Variants in STAB2 observed in about 807,000 individuals in gnomAD.
The protein encoded by STAB2 is stabilin-2.
In STAB2, 288 loss-of-function variants were observed where a neutral mutation model predicts 338.1. That is an observed-to-expected ratio of 0.85 (90% confidence interval 0.77 to 0.94). The LOEUF (loss-of-function observed/expected upper bound fraction) is 0.94, where lower values mean the gene tolerates loss of function less well. Ranked by LOEUF, STAB2 falls within the 40% of genes least tolerant of loss-of-function variation. The pLI, the probability that STAB2 is intolerant of heterozygous loss-of-function variation, is 0.00. For synonymous variants in STAB2, 1,202 were observed against 1,193.3 expected (o/e 1.01, Z -0.15); for missense variants, 3,141 against 3,210.1 (o/e 0.98, Z 0.52).
chr12:103,703,132 A>G lies in STAB2; in HGVS notation c.3715-16A>G. On this transcript the variant is annotated splice_polypyrimidine_tract_variant and intron_variant, in intron 34 of 68. Coordinates refer to ENST00000388887, the MANE Select transcript of STAB2 (RefSeq NM_017564.10). The stretch of plus-strand genomic sequence containing the variant: ...TAAATGTCATAAAAAGTGACATTTA[A>G]CCCTGTTGTTCACAGCTCTATGTAA... The G allele has an allele frequency of 2.5e-6, 4 of 1,608,424 alleles. No individual in the cohort carries two copies. The highest frequency in any genetic ancestry group is 3.4e-6 in the Non-Finnish European group (4 of 1,178,638).
intron 47 of STAB2, among the ~76,000 whole-genome samples, chr12:103,727,690 G>A (rs1881321755): frequency 6.6e-6 from 1 of 152,218 alleles, no homozygotes; most frequent in South Asian, 2.1e-4. Flanking sequence ...GATTTAAATA[G>A]ATTCTTTTCT....
chr12:103,650,512 G>A lies in STAB2; in HGVS notation c.1191G>A (p.Trp397Ter). The part of the protein sequence containing the change: ...FISLLDKAYA[W>*]PLSKLGPFTV... ...ACTCCTAAGACAAAGCTTATGCCTGGCCACTGAGTAAGCTGGGACCCTTCA... is the reference window on the plus strand; with the variant it reads ...ACTCCTAAGACAAAGCTTATGCCTGACCACTGAGTAAGCTGGGACCCTTCA... The change falls in exon 11 of 69, where the codon TGG becomes TGA. Residue 397 changes from tryptophan to a stop codon, truncating the protein, a stop_gained. Transcript: ENST00000388887. LOFTEE classifies it high-confidence loss of function. 6.2e-7 allele frequency: 1 copy of A among 1,613,112 alleles called. No individual in the cohort carries two copies. The highest frequency in any genetic ancestry group is 8.5e-7 in the Non-Finnish European group (1 of 1,179,230).
Position 103,728,911 on chromosome 12 carries a change from C to T in STAB2, c.4998C>T (p.Cys1666=). The T allele has an allele frequency of 6.2e-7, 1 of 1,614,000 alleles. No individual in the cohort carries two copies. Among genetic ancestry groups the T allele is most frequent in the East Asian group, 2.2e-5 (1 of 44,890 alleles). The change falls in exon 48 of 69, where the codon TGC becomes TGT. Residue 1666 remains cysteine (C), a synonymous_variant. Coordinates refer to ENST00000388887, the MANE Select transcript of STAB2 (RefSeq NM_017564.10). ...PQVLRYHVVA[C]HQLLLENLKL... Reference sequence around the variant, plus strand: ...TTCTTCGGTACCATGTGGTCGCCTGCCACCAGCTGCTTCTGGAAAACCTGA... The same window carrying T: ...TTCTTCGGTACCATGTGGTCGCCTGTCACCAGCTGCTTCTGGAAAACCTGA...
At chr12:103,742,070 G>C (rs1882625607) in intron 55 of STAB2, among the ~76,000 whole-genome samples, 1 of 149,338 alleles carries the variant, frequency 6.7e-6, no homozygotes, top group African/African-American at 2.6e-5. Context: ...AGGTCAAGCA[G>C]ACACTGTATC....
intron 6 of STAB2, among the ~76,000 whole-genome samples, chr12:103,636,244 G>A (rs1407883942): frequency 7.3e-6 from 1 of 136,296 alleles, no homozygotes; most frequent in Non-Finnish European, 1.5e-5. Flanking sequence ...TCCCCTTCCT[G>A]TGTCCATGCG....
intron 9 of STAB2, among the ~76,000 whole-genome samples, chr12:103,642,536 A>G (rs931142534): frequency 1.3e-5 from 2 of 152,228 alleles, no homozygotes; most frequent in Non-Finnish European, 2.9e-5. Context: ...CCAAGGCAAC[A>G]TGGTACAGTG....
At chr12:103,588,640 C>G (rs1447501598) in intron 1 of STAB2, among the ~76,000 whole-genome samples, 1 of 152,078 alleles carries the variant, frequency 6.6e-6, no homozygotes, top group Non-Finnish European at 1.5e-5. Flanking sequence ...AGACAATGAG[C>G]CTTTTCATTT....
chr12:103,705,734 A>G lies in STAB2; in HGVS notation c.3996+7A>G, dbSNP rs1167126488. ...ATGTGTGAGAACCGTCATTGTGAGTACAATAATTGAATCATACTAACTACT... is the reference window on the plus strand; with the variant it reads ...ATGTGTGAGAACCGTCATTGTGAGTGCAATAATTGAATCATACTAACTACT... On this transcript the variant is annotated splice_region_variant and intron_variant, in intron 37 of 68. Transcript: ENST00000388887. 1.9e-6 allele frequency: 3 copies of G among 1,613,508 alleles called. No homozygotes were observed. The highest frequency in any genetic ancestry group is 2.5e-6 in the Non-Finnish European group (3 of 1,179,506).
chr12:103,648,877 C>CATTGT (rs2138722031), intron 10 of STAB2, 54 bp downstream of exon 10: 1 of 1,592,412 alleles, frequency 6.3e-7, no homozygotes, highest in South Asian at 1.2e-5. Flanking sequence ...CAGGAAAGGG[C>CATTGT]ATCTGCAAGA....
chr12:103,653,486 A>G (rs575142456), intron 12 of STAB2, among the ~76,000 whole-genome samples: 7 of 152,362 alleles, frequency 4.6e-5, no homozygotes, highest in Non-Finnish European at 8.8e-5. Flanking sequence ...CAAAGTCCAC[A>G]TTCTTAACCA....
chr12:103,699,088 T>C lies in STAB2; in HGVS notation c.3583-8T>C. The C allele has an allele frequency of 2.5e-6, 4 of 1,605,548 alleles. No homozygotes were observed. Among genetic ancestry groups the C allele is most frequent in the Non-Finnish European group, 3.4e-6 (4 of 1,173,928 alleles). Reference sequence around the variant, plus strand: ...CTTGACTGACTTCCAATTCTGTGTGTGATCCAGGAGGAGGACGTCCTCCGG... The same window carrying C: ...CTTGACTGACTTCCAATTCTGTGTGCGATCCAGGAGGAGGACGTCCTCCGG... On this transcript the variant is annotated splice_polypyrimidine_tract_variant and splice_region_variant and intron_variant, in intron 33 of 68. Transcript: ENST00000388887.
chr12:103,638,287 T>A (rs1338928985), intron 8 of STAB2, 75 bp downstream of exon 8: 3 of 1,472,866 alleles, frequency 2.0e-6, no homozygotes, highest in Non-Finnish European at 2.8e-6. Context: ...ATCATTTGTC[T>A]TCTATGCCAT....
In STAB2 at chr12:103,709,611, C is replaced by T. The variant is rs201228450; in HGVS notation, c.4288+1075C>T. ...CATTGACAGAGGGGGCGTCTTTGCC[C>T]AAAGCTCCAGGCAATGCAAAAATCA... On this transcript the variant is annotated intron_variant, in intron 39 of 68. Coordinates refer to ENST00000388887, the MANE Select transcript of STAB2 (RefSeq NM_017564.10). Among the ~76,000 whole-genome samples the T allele has an allele frequency of 5.3e-5, 8 of 152,212 alleles. No homozygotes were observed. In the East Asian group the frequency reaches 1.5e-3, roughly 29 times the overall value.
chr12:103,717,657 G>C, intron 43 of STAB2, 113 bp from the exon 44 acceptor site: 1 of 797,908 alleles, frequency 1.3e-6, no homozygotes, highest in Non-Finnish European at 2.1e-6. Context: ...GTCAAATAGA[G>C]ACTCTCCTAA....
At chr12:103,656,318 C>T (rs1388822103) in intron 15 of STAB2, among the ~76,000 whole-genome samples, 6 of 152,192 alleles carry the variant, frequency 3.9e-5, no homozygotes, top group Non-Finnish European at 7.3e-5. Context: ...TGACCTATGA[C>T]TTCATAAAGA....
chr12:103,666,039 A>G (rs952268448), intron 18 of STAB2, among the ~76,000 whole-genome samples: 1 of 152,208 alleles, frequency 6.6e-6, no homozygotes, highest in Non-Finnish European at 1.5e-5. Flanking sequence ...TGAAAGAAGT[A>G]AAAAAGGGGG....
At chr12:103,711,444 A>G in intron 39 of STAB2, 27 bp from the exon 40 acceptor site, 3 of 1,614,040 alleles carry the variant, frequency 1.9e-6, no homozygotes, top group Non-Finnish European at 2.5e-6. Context: ...TAAGAGGGCT[A>G]AGACAGCAAC....
chr12:103,608,157 T>C (rs915915473), intron 3 of STAB2, among the ~76,000 whole-genome samples: 1 of 152,160 alleles, frequency 6.6e-6, no homozygotes, highest in African/African-American at 2.4e-5. Flanking sequence ...GCAGTGATGA[T>C]GAGCAGAGCC....
At chr12:103,593,502 G>A (rs79619576) in intron 2 of STAB2, among the ~76,000 whole-genome samples, 3,844 of 152,286 alleles carry the variant, frequency 0.025, 67 homozygotes, top group Middle Eastern at 0.051. Context: ...ATTTGGTCCT[G>A]CCCTTGGACT....
Sources: allele counts gnomAD v4.1 joint callset (sites outside exome capture counted in the v4.1 genomes callset), GRCh38; gene constraint gnomAD v4.1.1; transcripts MANE v1.5; gene names NCBI Gene and HGNC (gene_info 2026-07-23, HGNC 2026-07-21).